Variants in DOCK5 observed in about 807,000 individuals in gnomAD.
DOCK5 encodes the protein dedicator of cytokinesis protein 5.
A neutral mutation model predicts 251.8 loss-of-function variants in DOCK5; 142 were observed. The ratio of observed to expected loss-of-function variants is 0.56; its 90% confidence interval spans 0.49 to 0.65. The LOEUF is 0.65. Ranked by LOEUF, DOCK5 falls within the 30% of genes least tolerant of loss-of-function variation. DOCK5 has a pLI of 0.00. For synonymous variants in DOCK5, 842 were observed against 835.5 expected, an observed-to-expected ratio of 1.01 and a Z score of -0.13; for missense variants, 2,111 against 2,312.3, an observed-to-expected ratio of 0.91 and a Z score of 1.79.
In DOCK5 at chr8:25,247,672, TCAA is replaced by T. The variant is rs1158604012; in HGVS notation, c.127+3916_127+3918del. On this transcript the variant is annotated intron_variant, in intron 2 of 51. Coordinates refer to ENST00000276440, the MANE Select transcript of DOCK5 (RefSeq NM_024940.8). ...TCTCCAGTTGGCCTATAAACATTCC[TCAA>T]GACAGCATCCCTATGGACCAAGCTA... Among the ~76,000 whole-genome samples the T allele has an allele frequency of 2.0e-5, 3 of 152,270 alleles. No individual in the cohort carries two copies. In the East Asian group the frequency reaches 5.8e-4, roughly 29 times the overall value.
rs779356812 is a variant in DOCK5, at chr8:25,403,688, C to T, written c.5057C>T (p.Ser1686Leu). The T allele has an allele frequency of 3.1e-6, 5 of 1,613,912 alleles. No individual in the cohort carries two copies. The highest frequency in any genetic ancestry group is 2.2e-5 in the East Asian group (1 of 44,874). The change falls in exon 48 of 52, where the codon TCG (serine) becomes TTG (leucine). Residue 1686 changes from serine (S) to leucine (L), a missense_variant. Ser to Leu is a moderately radical substitution (Grantham distance 145). Around this residue, in one of 3 missense-constraint regions of DOCK5, gnomAD observed 1,717 missense variants for 1,892.4 expected, o/e 0.91. Transcript: ENST00000276440. ...TCTGTGGTTTCCACCTCTTCAAACT[C>T]GTCTGACAATGCTCCTTCCAGACCG... The part of the protein sequence containing the change: ...TSSVVSTSSN[S>L]SDNAPSRPGS...
intron 1 of DOCK5, among the ~76,000 whole-genome samples, chr8:25,230,601 AG>A (rs1802644622): frequency 6.6e-6 from 1 of 152,184 alleles, no homozygotes; most frequent in Admixed American, 6.5e-5. Context: ...CTGTAACCCC[AG>A]CACTTTGGGA....
chr8:25,308,743 T>C lies in DOCK5; in HGVS notation c.1050-40T>C, dbSNP rs778797571. 3.7e-6 allele frequency: 6 copies of C among 1,607,742 alleles called. No individual in the cohort carries two copies. In the South Asian group the frequency reaches 4.4e-5, roughly 12 times the overall value. ...GAGGTTGTGCTGCAGAGACTTCCTT[T>C]CTCCCCCTCCCACCTTACCTCTTAT... On this transcript the variant is annotated intron_variant, in intron 11 of 51. Transcript: ENST00000276440.
At chr8:25,408,743 A>G (rs1170297129) in intron 49 of DOCK5, 59 bp from the exon 50 acceptor site, 1 of 1,595,296 alleles carries the variant, frequency 6.3e-7, no homozygotes, top group East Asian at 2.2e-5. Flanking sequence ...TGTTGAGAGC[A>G]TTGTTGAGCT....
At chr8:25,207,379 A>T (rs926680594) in intron 1 of DOCK5, among the ~76,000 whole-genome samples, 1 of 152,154 alleles carries the variant, frequency 6.6e-6, no homozygotes, top group African/African-American at 2.4e-5. Context: ...ATAGCCTTCT[A>T]TTGTAAGAAG....
At chr8:25,369,743 G>C in intron 34 of DOCK5, 102 bp downstream of exon 34, 1 of 913,050 alleles carries the variant, frequency 1.1e-6, no homozygotes, top group Non-Finnish European at 1.7e-6. Context: ...TAGTCTCAGA[G>C]TCACTAGGGC....
intron 2 of DOCK5, among the ~76,000 whole-genome samples, chr8:25,268,561 G>T (rs1241765836): frequency 2.0e-5 from 3 of 151,764 alleles, no homozygotes; most frequent in Non-Finnish European, 2.9e-5. Context: ...TGTCTTGTTG[G>T]TTTTTTTTGC....
At chr8:25,369,716 C>CCGATAGAG (rs749584506) in intron 34 of DOCK5, 75 bp downstream of exon 34, 32 of 1,298,742 alleles carry the variant, frequency 2.5e-5, no homozygotes, top group Non-Finnish European at 3.3e-5. Context: ...TCCTGTTTCA[C>CCGATAGAG]CAATAGAGCA....
At chr8:25,374,991 A>G (rs1384855004) in intron 37 of DOCK5, 1 of 1,166,110 alleles carries the variant, frequency 8.6e-7, no homozygotes, top group Non-Finnish European at 1.1e-6. Context: ...GTTATAAGTG[A>G]ATATAGTACC....
intron 2 of DOCK5, among the ~76,000 whole-genome samples, chr8:25,254,609 ACTAAAAATG>A (rs1451922041): frequency 6.6e-6 from 1 of 151,734 alleles, no homozygotes; most frequent in Non-Finnish European, 1.5e-5. Flanking sequence ...CCCCGTCTCT[ACTAAAAATG>A]CTAAAAATTA....
chr8:25,356,959 T>A (rs942058470), intron 27 of DOCK5, among the ~76,000 whole-genome samples: 2 of 145,604 alleles, frequency 1.4e-5, no homozygotes, highest in African/African-American at 5.0e-5. Flanking sequence ...AAATTAAATG[T>A]CAAGTCCCAA....
chr8:25,247,315 G>A (rs899482374), intron 2 of DOCK5, among the ~76,000 whole-genome samples: 4 of 152,166 alleles, frequency 2.6e-5, no homozygotes, highest in African/African-American at 9.7e-5. Flanking sequence ...GTAATTTTAA[G>A]GATGAGTGTG....
chr8:25,248,470 T>A (rs1421103570), intron 2 of DOCK5, among the ~76,000 whole-genome samples: 1 of 152,090 alleles, frequency 6.6e-6, no homozygotes, highest in Admixed American at 6.6e-5. Context: ...GGCCCTGGGA[T>A]TCGTGTCTTC....
chr8:25,368,776 C>T, intron 33 of DOCK5, 51 bp downstream of exon 33: 1 of 1,544,950 alleles, frequency 6.5e-7, no homozygotes, highest in Non-Finnish European at 8.8e-7. Flanking sequence ...ATAGTCAAAT[C>T]ATAACTCATT....
intron 3 of DOCK5, among the ~76,000 whole-genome samples, chr8:25,274,109 AAG>A (rs1184523212): frequency 2.3e-3 from 353 of 152,330 alleles, no homozygotes; most frequent in African/African-American, 8.2e-3. Flanking sequence ...AACGGATTAA[AAG>A]AGAGAAAGCA....
intron 1 of DOCK5, among the ~76,000 whole-genome samples, chr8:25,215,936 C>T (rs879868178): frequency 0.048 from 4,476 of 93,654 alleles, 123 homozygotes; most frequent in African/African-American, 0.13. Context: ...AATAAATACA[C>T]ACACACACAC....
intron 21 of DOCK5, 106 bp downstream of exon 21, chr8:25,334,302 G>A (rs935559720): frequency 2.2e-5 from 19 of 865,646 alleles, no homozygotes; most frequent in East Asian, 9.8e-5. Context: ...CAGTAAATAC[G>A]CCTGTTAAGG....
At chr8:25,268,461 A>T (rs114810047) in intron 2 of DOCK5, among the ~76,000 whole-genome samples, 4,392 of 152,228 alleles carry the variant, frequency 0.029, 193 homozygotes, top group African/African-American at 0.096. Flanking sequence ...GGTGACATGT[A>T]GAAAGCATGT....
rs71214561 is a variant in DOCK5 at position 25,314,108 on chromosome 8, C to CTTTT, written c.1319-2882_1319-2879dup. On this transcript the variant is annotated intron_variant, in intron 13 of 51. Coordinates refer to ENST00000276440, the MANE Select transcript of DOCK5 (RefSeq NM_024940.8). ...CTATTTCCTGCCTCAGGACTCCCCT[C>CTTTT]TTTTTTTTTTTTTTTTTTTTGAGGC... is the stretch of plus-strand genomic sequence containing the variant. Among the ~76,000 whole-genome samples, 502 of 115,194 alleles carry CTTTT rather than the reference C, an allele frequency of 4.4e-3. 15 individuals carry two copies. Among genetic ancestry groups the CTTTT allele is most frequent in the African/African-American group, 0.012 (349 of 29,624 alleles). The allele number at this position is 115,194 out of a possible 152,430, so 75.6% of individuals were successfully genotyped here.
Sources: allele counts gnomAD v4.1 joint callset (sites outside exome capture counted in the v4.1 genomes callset), GRCh38; gene constraint gnomAD v4.1.1; regional missense constraint gnomAD v4.1.1; transcripts MANE v1.5; gene names NCBI Gene and HGNC (gene_info 2026-07-23, HGNC 2026-07-21).